The following SPON2 variants were observed in gnomAD, a reference collection of about 807,000 sequenced individuals.
SPON2 encodes the protein spondin 2.
In SPON2, 32 loss-of-function variants were observed where a neutral mutation model predicts 29.9. That is an observed-to-expected ratio of 1.07 (90% CI 0.81 to 1.44). The LOEUF (loss-of-function observed/expected upper bound fraction) is 1.44, where lower values mean the gene tolerates loss of function less well. Ranked by LOEUF, SPON2 falls within the 40% of genes most tolerant of loss-of-function variation. The pLI is 0.00. For missense variants in SPON2, 541 were observed against 455.5 expected (o/e 1.19, Z -1.71); for synonymous variants, 248 against 209.1 (o/e 1.19, Z -1.61).
intron 5 of SPON2, 49 bp from the exon 6 acceptor site, chr4:1,167,705 G>T (rs1202977972): frequency 6.5e-7 from 1 of 1,530,474 alleles, no homozygotes; most frequent in Middle Eastern, 1.8e-4. Context: ...GTGAAGAGGC[G>T]CTTCGTACAA....
chr4:1,196,018 G>T (rs1728061555), upstream of SPON2, among the ~76,000 whole-genome samples: 1 of 152,134 alleles, frequency 6.6e-6, no homozygotes, highest in African/African-American at 2.4e-5. Context: ...AGAAGATCAT[G>T]GGGTAGTTCC....
chr4:1,171,774 C>T (rs1300470271), intron 2 of SPON2, 78 bp downstream of exon 2: 2 of 1,021,418 alleles, frequency 2.0e-6, no homozygotes, highest in East Asian at 4.7e-5. Flanking sequence ...TGGGAAGCGC[C>T]GCCGTGCAGC....
At chr4:1,207,200 C>A (rs1728363392) in intron 1 of SPON2, among the ~76,000 whole-genome samples, 1 of 152,124 alleles carries the variant, frequency 6.6e-6, no homozygotes, top group African/African-American at 2.4e-5. Flanking sequence ...CCGGGCCCCG[C>A]CAGGTGTGAC....
chr4:1,200,324 G>A (rs967948194), intron 1 of SPON2, among the ~76,000 whole-genome samples: 5 of 152,212 alleles, frequency 3.3e-5, no homozygotes, highest in African/African-American at 7.2e-5. Flanking sequence ...CCTGCAGAAC[G>A]GAGTCCAGGA....
At chr4:1,169,603 GGGCGGCC>G in intron 5 of SPON2, among the ~76,000 whole-genome samples, 1 of 152,194 alleles carries the variant, frequency 6.6e-6, no homozygotes, top group Non-Finnish European at 1.5e-5. Flanking sequence ...GGCAGGTGTG[GGGCGGCC>G]CCGTACCTGC....
At chr4:1,189,024 CAG>C (rs762453820) in intron 1 of SPON2, among the ~76,000 whole-genome samples, 29 of 152,042 alleles carry the variant, frequency 1.9e-4, no homozygotes, top group African/African-American at 6.8e-4. Context: ...AAATCAATAA[CAG>C]AAAGAAATTT....
chr4:1,207,765 G>A (rs1728381373), intron 1 of SPON2: 1 of 154,254 alleles, frequency 6.5e-6, no homozygotes, highest in Non-Finnish European at 1.4e-5. Context: ...GCCTATCAGG[G>A]ATGTTTTCGG....
In SPON2 at chr4:1,172,431, G is replaced by A. The variant is rs574679505; in HGVS notation, c.-4+113C>T. On this transcript the variant is annotated intron_variant, in intron 1 of 5. Coordinates refer to ENST00000290902, the MANE Select transcript of SPON2 (RefSeq NM_012445.4). ...CCCCGGGACTAGACCCTTAAAGCTC[G>A]GTCGCAGCCAGTCCTGGGGGTCCCT... 3 of 376,722 alleles carry A rather than the reference G, an allele frequency of 8.0e-6. No individual in the cohort carries two copies. In the East Asian group the frequency reaches 1.9e-4, roughly 23 times the overall value. 23.3% of individuals were successfully genotyped at this position (376,722 alleles called of 1,614,324 possible). A position where few individuals can be genotyped will look rare whatever the true frequency, so the allele number is the denominator to read the frequency against.
intron 1 of SPON2, among the ~76,000 whole-genome samples, chr4:1,192,500 G>T (rs1348112252): frequency 6.6e-6 from 1 of 152,218 alleles, no homozygotes; most frequent in African/African-American, 2.4e-5. Flanking sequence ...TTTCGGATTG[G>T]CATTAGGGTG....
At chr4:1,190,628 A>C (rs1727893801) in intron 1 of SPON2, among the ~76,000 whole-genome samples, 1 of 152,250 alleles carries the variant, frequency 6.6e-6, no homozygotes. Context: ...TTAGGCAAGA[A>C]AATAAAATTA....
chr4:1,185,075 T>C (rs1727766350), intron 1 of SPON2, among the ~76,000 whole-genome samples: 1 of 152,012 alleles, frequency 6.6e-6, no homozygotes, highest in African/African-American at 2.4e-5. Flanking sequence ...AGTCTTATAG[T>C]CTTTTTTCTT....
At chr4:1,172,358 G>T (rs1727487313) in intron 1 of SPON2, 186 bp downstream of exon 1, 1 of 539,156 alleles carries the variant, frequency 1.9e-6, no homozygotes, top group African/African-American at 1.9e-5. Context: ...GCGGCCTCCG[G>T]GATGCCTTCG....
At position 1,170,384 on chromosome 4, in the gene SPON2, GACC is replaced by G. The variant is rs1727384500; in HGVS notation, c.811+15_811+17del. 3.1e-6 allele frequency: 5 copies of G among 1,608,238 alleles called. No individual in the cohort carries two copies. Among genetic ancestry groups the G allele is most frequent in the African/African-American group, 1.3e-5 (1 of 74,660 alleles). The stretch of plus-strand genomic sequence containing the variant: ...TTCGGGGCTGCTGTGTGTCCCATGT[GACC>G]TGTATGTCCGTTACCTGAGGCGCTG... On this transcript the variant is annotated intron_variant, in intron 5 of 5. Transcript: ENST00000290902.
At chr4:1,177,659 G>A (rs1468250004), upstream of SPON2, among the ~76,000 whole-genome samples, 3 of 152,212 alleles carry the variant, frequency 2.0e-5, no homozygotes, top group South Asian at 6.2e-4. Flanking sequence ...AGCTGAGAAG[G>A]GAGAGGCCTT....
intron 1 of SPON2, among the ~76,000 whole-genome samples, chr4:1,183,973 T>G (rs1727747054): frequency 6.6e-6 from 1 of 152,182 alleles, no homozygotes; most frequent in African/African-American, 2.4e-5. Flanking sequence ...CAGTGATTAT[T>G]TATCTATTTT....
At chr4:1,185,665 G>A (rs538204441) in intron 1 of SPON2, among the ~76,000 whole-genome samples, 22 of 122,106 alleles carry the variant, frequency 1.8e-4, no homozygotes, top group African/African-American at 3.3e-4. Flanking sequence ...CTGAGATCGC[G>A]TCACTGCACT....
intron 1 of SPON2, among the ~76,000 whole-genome samples, chr4:1,186,071 C>G (rs527790555): frequency 1.4e-5 from 2 of 141,902 alleles, no homozygotes; most frequent in African/African-American, 4.9e-5. Flanking sequence ...GGTGAAACCC[C>G]ATCTCTACTA....
At chr4:1,195,726 AC>A (rs571539486), upstream of SPON2, among the ~76,000 whole-genome samples, 406 of 137,048 alleles carry the variant, frequency 3.0e-3, 2 homozygotes, top group Admixed American at 6.0e-3. Context: ...CACCCCGGAG[AC>A]CCCCAGCCCC....
upstream of SPON2, chr4:1,172,905 TCCCCTCCTCC>T (rs1560203148): frequency 7.9e-5 from 1 of 12,610 alleles, no homozygotes; most frequent in Non-Finnish European, 1.5e-4. Context: ...CCTCCTCCCC[TCCCCTCCTCC>T]CCTCCCCTCC....
Sources: gnomAD v4.1 joint callset for allele counts (sites outside exome capture counted in the v4.1 genomes callset) on GRCh38, gnomAD v4.1.1 for gene constraint, MANE v1.5 for transcripts, NCBI Gene and HGNC (gene_info 2026-07-23, HGNC 2026-07-21) for gene names.